Variants in ANKRD30A observed in about 807,000 individuals in gnomAD.
ANKRD30A encodes the protein ankyrin repeat domain 30A.
ANKRD30A carries 170 observed loss-of-function variants against 166.3 expected under a neutral mutation model. The observed-to-expected ratio is 1.02, with a 90% CI of 0.90 to 1.16. ANKRD30A has a LOEUF of 1.16. Among genes scored for constraint, ANKRD30A ranks in the 50% most tolerant of loss-of-function variants. ANKRD30A has a pLI of 0.00. For synonymous variants in ANKRD30A, 564 were observed against 508.9 expected (o/e 1.11, Z -1.46); for missense variants, 1,630 against 1,518.0 (o/e 1.07, Z -1.23).
chr10:37,196,102 T>TTTTA (rs1172435999), intron 27 of ANKRD30A, among the ~76,000 whole-genome samples: 12 of 148,454 alleles, frequency 8.1e-5, no homozygotes, highest in Non-Finnish European at 1.6e-4. Context: ...TATTTTTTTT[T>TTTTA]TTTTTTTTTT....
intron 13 of ANKRD30A, among the ~76,000 whole-genome samples, chr10:37,156,377 TA>T (rs1301308854): frequency 6.6e-6 from 1 of 151,680 alleles, no homozygotes; most frequent in Non-Finnish European, 1.5e-5. Context: ...AAAATAAAAG[TA>T]ATAAAAAAAA....
chr10:37,193,314 A>G (rs1368110093), intron 27 of ANKRD30A, 56 bp downstream of exon 27: 2 of 1,547,232 alleles, frequency 1.3e-6, no homozygotes, highest in African/African-American at 1.4e-5. Flanking sequence ...AATATTTGAA[A>G]TGCTGTGAGA....
At chr10:37,209,003 T>C (rs1842138905) in intron 31 of ANKRD30A, among the ~76,000 whole-genome samples, 1 of 152,198 alleles carries the variant, frequency 6.6e-6, no homozygotes. Context: ...TGTCTTTTCA[T>C]AGCTTGATAG....
At chr10:37,207,154 C>G (rs1051824294) in intron 31 of ANKRD30A, among the ~76,000 whole-genome samples, 2 of 152,052 alleles carry the variant, frequency 1.3e-5, no homozygotes, top group Admixed American at 1.3e-4. Flanking sequence ...ATTTTATTTA[C>G]CATTATTTTC....
the ANKRD30A span, among the ~76,000 whole-genome samples, chr10:37,260,373 C>G: frequency 6.6e-6 from 1 of 152,172 alleles, no homozygotes; most frequent in Admixed American, 6.5e-5. Context: ...TTTTCCACCT[C>G]TCCCCTAAGA....
intron 29 of ANKRD30A, among the ~76,000 whole-genome samples, chr10:37,197,740 C>G (rs185537997): frequency 2.0e-5 from 3 of 152,016 alleles, no homozygotes; most frequent in Non-Finnish European, 2.9e-5. Flanking sequence ...TTTTGAACTT[C>G]TGTATTTCTT....
chr10:37,220,030 A>ATATATATATATATATATAT (rs1842831122), intron 34 of ANKRD30A, 133 bp downstream of exon 34: 1 of 147,472 alleles, frequency 6.8e-6, no homozygotes, highest in African/African-American at 3.5e-5. Context: ...TATATATATA[A>ATATATATATATATATATAT]TATATGTATG....
chr10:37,143,430 C>T lies in ANKRD30A; in HGVS notation c.1393+1140C>T, dbSNP rs574346407. 5.3e-5 allele frequency among the ~76,000 whole-genome samples: 8 copies of T among 152,212 alleles called. No individual in the cohort carries two copies. In the South Asian group the frequency reaches 6.2e-4, roughly 12 times the overall value. On this transcript the variant is annotated intron_variant, in intron 7 of 35. Transcript: ENST00000361713. ...CAGCACTTTGGGAGGCTGAAGCATGCGGATCACCAGGTCAGGAGTTCGAGA... is the reference window on the plus strand; with the variant it reads ...CAGCACTTTGGGAGGCTGAAGCATGTGGATCACCAGGTCAGGAGTTCGAGA...
chr10:37,232,679 TATATATATATATATAA>T (rs1843476597), downstream of ANKRD30A: 1 of 7,420 alleles, frequency 1.3e-4, no homozygotes, highest in African/African-American at 1.8e-4. Flanking sequence ...TATATATATA[TATATATATATATATAA>T]ATAGAGAGAG....
chr10:37,164,999 C>T, intron 17 of ANKRD30A, 95 bp from the exon 18 acceptor site: 1 of 1,322,482 alleles, frequency 7.6e-7, no homozygotes, highest in East Asian at 2.4e-5. Context: ...GAGGAAAATC[C>T]ACAGATTCGT....
intron 19 of ANKRD30A, among the ~76,000 whole-genome samples, 195 bp downstream of exon 19, chr10:37,166,890 C>G (rs945098499): frequency 2.0e-5 from 3 of 151,958 alleles, no homozygotes; most frequent in African/African-American, 7.3e-5. Context: ...TGAAGCGGAG[C>G]TGAATTACTA....
rs777485145 is a variant in ANKRD30A, at chr10:37,166,692, G to A, written c.2152G>A (p.Glu718Lys). The A allele has an allele frequency of 1.9e-6, 3 of 1,597,716 alleles. No homozygotes were observed. In the African/African-American group the frequency reaches 4.1e-5, roughly 22 times the overall value. ...AATAGATAAAATAAATGGAAAATTA[G>A]AAGGTAAGAACCGTTTTTTATTTAA... is the stretch of plus-strand genomic sequence containing the variant. ...KEIDKINGKL[E>K]GSPVKDGLLK... Residue 718 changes from glutamate (E) to lysine (K), a missense_variant, in exon 19 of 36, where the codon GAA becomes AAA. Transcript: ENST00000361713.
chr10:37,161,029 A>G (rs1230215308), intron 15 of ANKRD30A, among the ~76,000 whole-genome samples: 1 of 152,180 alleles, frequency 6.6e-6, no homozygotes, highest in Non-Finnish European at 1.5e-5. Context: ...CGTGACTGGC[A>G]GATCACGAGG....
the ANKRD30A span, among the ~76,000 whole-genome samples, chr10:37,259,796 C>T: frequency 6.6e-6 from 1 of 152,190 alleles, no homozygotes; most frequent in African/African-American, 2.4e-5. Context: ...GTGATAGTAG[C>T]TACTCTTTTG....
chr10:37,127,221 G>A (rs1836095096), intron 1 of ANKRD30A, among the ~76,000 whole-genome samples: 2 of 152,140 alleles, frequency 1.3e-5, no homozygotes, highest in South Asian at 2.1e-4. Flanking sequence ...AAAAGAATTA[G>A]TTTCCTAAGT....
chr10:37,158,338 G>A (rs1838543414), intron 13 of ANKRD30A, 54 bp from the exon 14 acceptor site: 1 of 1,572,664 alleles, frequency 6.4e-7, no homozygotes, highest in African/African-American at 1.4e-5. Flanking sequence ...TGAATGTTCG[G>A]TAGGCTTTGT....
chr10:37,152,178 A>G, intron 12 of ANKRD30A, 57 bp downstream of exon 12: 2 of 1,409,318 alleles, frequency 1.4e-6, no homozygotes, highest in South Asian at 1.2e-5. Context: ...TGAAAACATA[A>G]AGGCAGAGGC....
At position 37,152,567 on chromosome 10, in the gene ANKRD30A, T is replaced by C. The variant is rs17590215; in HGVS notation, c.1707+446T>C. Among the ~76,000 whole-genome samples the C allele has an allele frequency of 7.4e-4, 112 of 152,260 alleles. No individual in the cohort carries two copies. The East Asian group carries it at 0.016, about 22-fold the overall frequency. Reference sequence around the variant, plus strand: ...GAAAAGTTAATGCCTGGGACTTGAATGTATTGACATATGTTTATTGTTCAG... The same window carrying C: ...GAAAAGTTAATGCCTGGGACTTGAACGTATTGACATATGTTTATTGTTCAG... On this transcript the variant is annotated intron_variant, in intron 12 of 35. Coordinates refer to ENST00000361713, the MANE Select transcript of ANKRD30A (RefSeq NM_052997.3).
the ANKRD30A span, among the ~76,000 whole-genome samples, chr10:37,258,683 G>A: frequency 6.7e-6 from 1 of 149,942 alleles, no homozygotes; most frequent in South Asian, 2.1e-4. Context: ...TTCTACAATG[G>A]CCATGAGTGG....
Sources: allele counts gnomAD v4.1 joint callset (sites outside exome capture counted in the v4.1 genomes callset), GRCh38; gene constraint gnomAD v4.1.1; transcripts MANE v1.5; gene names NCBI Gene and HGNC (gene_info 2026-07-23, HGNC 2026-07-21).